Variants in USP43 observed in about 807,000 individuals in gnomAD.
USP43 encodes the protein ubiquitin specific peptidase 43.
Under a neutral mutation model 90.7 loss-of-function variants are expected in USP43, and 33 were observed. The ratio of observed to expected loss-of-function variants is 0.36; its 90% CI spans 0.28 to 0.49. The LOEUF is 0.49. USP43 is among the 20% of genes least tolerant of loss of function. The pLI is 0.98. For synonymous variants in USP43, 598 were observed against 615.8 expected (o/e 0.97, Z 0.43); for missense variants, 1,274 against 1,476.4 (o/e 0.86, Z 2.25).
intron 14 of USP43, among the ~76,000 whole-genome samples, chr17:9,718,319 T>C (rs1018760194): frequency 3.9e-5 from 6 of 152,214 alleles, no homozygotes; most frequent in Admixed American, 6.5e-5. Context: ...ACACCAGGCA[T>C]GTACCAGACT....
chr17:9,727,444 A>C (rs1208200303), intron 14 of USP43, among the ~76,000 whole-genome samples: 1 of 152,092 alleles, frequency 6.6e-6, no homozygotes, highest in Middle Eastern at 3.2e-3. Context: ...ATATATTTTT[A>C]CAAGTTGTAT....
intron 1 of USP43, among the ~76,000 whole-genome samples, chr17:9,650,593 G>T (rs1196624045): frequency 1.3e-5 from 2 of 152,106 alleles, no homozygotes; most frequent in African/African-American, 4.8e-5. Context: ...AGTAGACACG[G>T]GGTTTCGCCA....
intron 14 of USP43, 98 bp from the exon 15 acceptor site, chr17:9,727,856 C>T (rs962567928): frequency 7.3e-7 from 1 of 1,364,934 alleles, no homozygotes; most frequent in Non-Finnish European, 9.9e-7. Context: ...GTGCCCAGCA[C>T]AGTGCCTCCC....
chr17:9,680,543 C>T (rs1166884040), intron 6 of USP43, among the ~76,000 whole-genome samples, 177 bp downstream of exon 6: 1 of 152,192 alleles, frequency 6.6e-6, no homozygotes, highest in African/African-American at 2.4e-5. Flanking sequence ...TCACCTAACA[C>T]AAGTATTCTC....
intron 3 of USP43, among the ~76,000 whole-genome samples, chr17:9,672,153 C>G (rs570538449): frequency 3.5e-4 from 54 of 152,194 alleles, no homozygotes; most frequent in Non-Finnish European, 6.5e-4. Flanking sequence ...CCTGCCACCA[C>G]GCCCGGCTAA....
Position 9,727,971 on chromosome 17 carries a change from C to T in USP43, c.2353C>T (p.Arg785Cys), listed in dbSNP as rs761220890. The change falls in exon 15 of 15, where the codon CGT (arginine) becomes TGT (cysteine). Residue 785 changes from arginine (R) to cysteine (C), a missense_variant. Physicochemically the swap from Arg to Cys is radical, Grantham distance 180. Coordinates refer to ENST00000285199, the MANE Select transcript of USP43 (RefSeq NM_153210.5). ...NQEKGGLEPR[R>C]LVRGVKGRSI... Reference sequence around the variant, plus strand: ...TCTTTCAGGAGGGTTGGAGCCCAGGCGTTTGGTACGGGGCGTGAAAGGCAG... The same window carrying T: ...TCTTTCAGGAGGGTTGGAGCCCAGGTGTTTGGTACGGGGCGTGAAAGGCAG... 2.0e-5 allele frequency: 32 copies of T among 1,603,930 alleles called. No homozygotes were observed. Among genetic ancestry groups the T allele is most frequent in the Middle Eastern group, 1.7e-4 (1 of 6,030 alleles).
chr17:9,706,045 G>A (rs903230649), intron 12 of USP43, among the ~76,000 whole-genome samples: 1 of 152,164 alleles, frequency 6.6e-6, no homozygotes, highest in African/African-American at 2.4e-5. Context: ...CCATCTAATA[G>A]TAGGAAAATG....
At chr17:9,649,340 A>G (rs1330608973) in intron 1 of USP43, among the ~76,000 whole-genome samples, 2 of 152,040 alleles carry the variant, frequency 1.3e-5, no homozygotes, top group Admixed American at 6.5e-5. Context: ...CCGTGGTATT[A>G]CCTAGAATTC....
chr17:9,706,707 G>A lies in USP43; in HGVS notation c.2012-3249G>A, dbSNP rs368456600. Reference sequence around the variant, plus strand: ...GTCCCAGGCTGGAGTGCAATTGCACGATATCGGCTCACTGCAACCTCTGCC... The same window carrying A: ...GTCCCAGGCTGGAGTGCAATTGCACAATATCGGCTCACTGCAACCTCTGCC... On this transcript the variant is annotated intron_variant, in intron 12 of 14. Transcript: ENST00000285199. Among the ~76,000 whole-genome samples, 11 of 129,892 alleles carry A rather than the reference G, an allele frequency of 8.5e-5. No individual in the cohort carries two copies. The South Asian group carries it at 2.5e-3, about 29-fold the overall frequency. The allele number at this position is 129,892 out of a possible 152,430, so 85.2% of individuals were successfully genotyped here.
intron 2 of USP43, among the ~76,000 whole-genome samples, chr17:9,665,343 G>A (rs917371571): frequency 3.3e-5 from 5 of 152,156 alleles, no homozygotes; most frequent in Non-Finnish European, 7.3e-5. Context: ...AAAGAAAGAG[G>A]TTTAATTGAC....
At chr17:9,688,840 C>T (rs1468373488) in intron 8 of USP43, among the ~76,000 whole-genome samples, 1 of 152,094 alleles carries the variant, frequency 6.6e-6, no homozygotes, top group Non-Finnish European at 1.5e-5. Flanking sequence ...GTGTATGGTA[C>T]CGTACCCAGC....
intron 2 of USP43, among the ~76,000 whole-genome samples, chr17:9,666,386 G>A (rs1439019914): frequency 1.3e-5 from 2 of 152,180 alleles, no homozygotes; most frequent in Non-Finnish European, 2.9e-5. Context: ...TGAGGCTGGT[G>A]AGAATGAGCG....
intron 12 of USP43, among the ~76,000 whole-genome samples, chr17:9,704,879 T>G (rs973017607): frequency 2.6e-5 from 4 of 152,196 alleles, no homozygotes; most frequent in African/African-American, 9.7e-5. Flanking sequence ...TCTCACGTCT[T>G]TTGACATATT....
At chr17:9,651,216 T>C (rs1364382780) in intron 1 of USP43, among the ~76,000 whole-genome samples, 3 of 151,832 alleles carry the variant, frequency 2.0e-5, no homozygotes, top group Admixed American at 6.6e-5. Flanking sequence ...TGAGACAGAG[T>C]CTCACTCTGT....
In USP43 at chr17:9,701,006, G is replaced by A. The variant is rs959276993; in HGVS notation, c.1536-113G>A. 17 of 1,327,198 alleles carry A rather than the reference G, an allele frequency of 1.3e-5. No individual in the cohort carries two copies. The highest frequency in any genetic ancestry group is 2.7e-4 in the Middle Eastern group (1 of 3,690). 82.2% of individuals were successfully genotyped at this position (1,327,198 alleles called of 1,614,324 possible). On this transcript the variant is annotated intron_variant, in intron 10 of 14. Transcript: ENST00000285199. The surrounding 1 kb of genome is among the most constrained non-coding windows in gnomAD (Gnocchi z 7.2). ...CTCCAGGAACCCATAGGCAGGGCAC[G>A]GTAGTGTGGCCTGGCCAATGTCTGC...
chr17:9,697,160 T>A (rs566708678), intron 9 of USP43, among the ~76,000 whole-genome samples: 1 of 152,284 alleles, frequency 6.6e-6, no homozygotes, highest in South Asian at 2.1e-4. Flanking sequence ...GAGCTTGCAG[T>A]GAGCCGAGAT....
intron 4 of USP43, among the ~76,000 whole-genome samples, chr17:9,675,587 A>G (rs190770847): frequency 6.6e-6 from 1 of 152,198 alleles, no homozygotes; most frequent in Admixed American, 6.5e-5. Context: ...CTTCTCTGGC[A>G]TTGGAAGAGA....
intron 14 of USP43, among the ~76,000 whole-genome samples, chr17:9,723,670 C>A (rs1206136157): frequency 1.1e-4 from 17 of 150,810 alleles, no homozygotes. Flanking sequence ...TGCAACCTCC[C>A]CTTCCCAGGT....
In USP43 at chr17:9,689,620, C is replaced by T. The variant is rs1467856158; in HGVS notation, c.1353+2711C>T. Reference sequence around the variant, plus strand: ...GCAGTGATAGGGTCTCACTGTGTTGCCCAGGTTGGTCTTGAACTCCTGGCC... The same window carrying T: ...GCAGTGATAGGGTCTCACTGTGTTGTCCAGGTTGGTCTTGAACTCCTGGCC... On this transcript the variant is annotated intron_variant, in intron 8 of 14. Coordinates refer to ENST00000285199, the MANE Select transcript of USP43 (RefSeq NM_153210.5). 2.6e-5 allele frequency among the ~76,000 whole-genome samples: 4 copies of T among 152,148 alleles called. No individual in the cohort carries two copies. The East Asian group carries it at 7.7e-4, about 29-fold the overall frequency.
Sources: allele counts gnomAD v4.1 joint callset (sites outside exome capture counted in the v4.1 genomes callset), GRCh38; gene constraint gnomAD v4.1.1; non-coding constraint Gnocchi (gnomAD v3.1); transcripts MANE v1.5; gene names NCBI Gene and HGNC (gene_info 2026-07-23, HGNC 2026-07-21).